The following PRKN variants were observed in gnomAD, a reference collection of about 807,000 sequenced individuals.
The protein encoded by PRKN is E3 ubiquitin-protein ligase parkin.
PRKN carries 56 observed loss-of-function variants against 59.5 expected under a neutral mutation model. That is an observed-to-expected ratio of 0.94 (90% confidence interval 0.76 to 1.18). The LOEUF is 1.18. Ranked by LOEUF, PRKN falls within the 50% of genes most tolerant of loss-of-function variation. The pLI, the probability that PRKN is intolerant of heterozygous loss-of-function variation, is 0.00. For missense variants in PRKN, 657 were observed against 596.4 expected (o/e 1.10, Z -1.06); for synonymous variants, 250 against 222.1 (o/e 1.13, Z -1.12).
chr6:162,405,444 G>A (rs1788010423), intron 2 of PRKN, among the ~76,000 whole-genome samples: 1 of 152,130 alleles, frequency 6.6e-6, no homozygotes, highest in Non-Finnish European at 1.5e-5. Flanking sequence ...GACTTCGAGA[G>A]AAGAATAAGA....
At chr6:161,586,680 A>G (rs1781533763) in intron 7 of PRKN, among the ~76,000 whole-genome samples, 1 of 152,204 alleles carries the variant, frequency 6.6e-6, no homozygotes, top group Admixed American at 6.5e-5. Context: ...TGGTTCTAGT[A>G]TTCACTAGCT....
chr6:161,868,643 C>T (rs778941855), intron 6 of PRKN, among the ~76,000 whole-genome samples: 1 of 152,190 alleles, frequency 6.6e-6, no homozygotes, highest in Non-Finnish European at 1.5e-5. Flanking sequence ...CCTTAAAGCA[C>T]AGGCTGTTTG....
intron 2 of PRKN, among the ~76,000 whole-genome samples, chr6:162,398,953 T>C (rs1002661436): frequency 6.6e-6 from 1 of 152,200 alleles, no homozygotes; most frequent in Non-Finnish European, 1.5e-5. Context: ...AATTTTTACT[T>C]CAGCAAAATA....
At chr6:161,694,728 C>A (rs969761) in intron 7 of PRKN, among the ~76,000 whole-genome samples, 3 of 152,044 alleles carry the variant, frequency 2.0e-5, no homozygotes, top group East Asian at 1.9e-4. Flanking sequence ...ACTTTTTCAC[C>A]TGGACCGTAT....
chr6:161,392,768 G>GAAT (rs1264228597), intron 9 of PRKN, among the ~76,000 whole-genome samples: 11 of 74,568 alleles, frequency 1.5e-4, no homozygotes, highest in African/African-American at 7.4e-4. Context: ...AGGAGGTATA[G>GAAT]AATAAAAAAA....
intron 6 of PRKN, among the ~76,000 whole-genome samples, chr6:161,913,260 A>G (rs374787864): frequency 3.9e-5 from 6 of 152,128 alleles, no homozygotes; most frequent in African/African-American, 1.2e-4. Context: ...AAAGAAAATC[A>G]GCAAACTGGG....
At chr6:162,135,921 G>T (rs1034601449) in intron 4 of PRKN, among the ~76,000 whole-genome samples, 2 of 151,806 alleles carry the variant, frequency 1.3e-5, no homozygotes, top group South Asian at 4.1e-4. Flanking sequence ...CTACAAAAGC[G>T]CTCAAAATAC....
chr6:161,382,142 AAAAC>A (rs371295234), intron 10 of PRKN, among the ~76,000 whole-genome samples: 7,453 of 147,700 alleles, frequency 0.05, 211 homozygotes, highest in Non-Finnish European at 0.073. Flanking sequence ...AATCAAAACA[AAAAC>A]AAACAAACAA....
chr6:161,593,224 C>T lies in PRKN; in HGVS notation c.872-23808G>A, dbSNP rs1382864508. 6.6e-6 allele frequency among the ~76,000 whole-genome samples: 1 copy of T among 152,192 alleles called. No individual in the cohort carries two copies. The highest frequency in any genetic ancestry group is 1.5e-5 in the Non-Finnish European group (1 of 68,038). ...AATAACATCGCATGTCAACTGCATC[C>T]CAGGAGCTGTTCCGAGTGCTTCGCA... On this transcript the variant is annotated intron_variant, in intron 7 of 11. Transcript: ENST00000366898. The surrounding 1 kb of genome is among the most constrained non-coding windows in gnomAD (Gnocchi z 4.8).
chr6:162,577,398 G>A (rs1449996089), intron 1 of PRKN, among the ~76,000 whole-genome samples: 5 of 151,576 alleles, frequency 3.3e-5, no homozygotes, highest in Non-Finnish European at 7.4e-5. Context: ...TCAGGAGTTC[G>A]AGACCAGCCT....
chr6:162,602,254 A>G (rs1781742127), intron 1 of PRKN, among the ~76,000 whole-genome samples: 1 of 152,192 alleles, frequency 6.6e-6, no homozygotes, highest in Admixed American at 6.5e-5. Context: ...GAGGGAGAGA[A>G]GAGAGAAGAG....
chr6:162,107,205 C>T (rs1405674476), intron 4 of PRKN, among the ~76,000 whole-genome samples: 1 of 152,188 alleles, frequency 6.6e-6, no homozygotes, highest in African/African-American at 2.4e-5. Context: ...TGGTTCAGGC[C>T]TATAATCCCA....
intron 1 of PRKN, among the ~76,000 whole-genome samples, chr6:162,630,369 A>C (rs555875354): frequency 2.0e-5 from 3 of 152,136 alleles, no homozygotes; most frequent in Non-Finnish European, 4.4e-5. Flanking sequence ...CAGGCTGCCC[A>C]AACTGCTAAT....
chr6:162,307,297 A>G (rs61526712), intron 2 of PRKN, among the ~76,000 whole-genome samples: 5,750 of 151,758 alleles, frequency 0.038, 348 homozygotes, highest in African/African-American at 0.13. Flanking sequence ...CTACTCAGGA[A>G]GCTGAGGCAG....
rs975611534 is a variant in PRKN, at chr6:161,475,542, G to C, written c.1083+73312C>G. The stretch of plus-strand genomic sequence containing the variant: ...TTTTTGAGACGAGGTCTCGCTCTGT[G>C]GCCCAGGCTGGAGTGCCGCGGTGCA... On this transcript the variant is annotated intron_variant, in intron 9 of 11. Coordinates refer to ENST00000366898, the MANE Select transcript of PRKN (RefSeq NM_004562.3). The surrounding 1 kb of genome is among the most constrained non-coding windows in gnomAD (Gnocchi z 5.3). Among the ~76,000 whole-genome samples the C allele has an allele frequency of 6.6e-6, 1 of 152,032 alleles. No homozygotes were observed. Among genetic ancestry groups the C allele is most frequent in the African/African-American group, 2.4e-5 (1 of 41,388 alleles).
In PRKN at chr6:161,518,256, C is replaced by T. The variant is rs780049231; in HGVS notation, c.1083+30598G>A. 3.3e-5 allele frequency among the ~76,000 whole-genome samples: 5 copies of T among 152,208 alleles called. No homozygotes were observed. The highest frequency in any genetic ancestry group is 5.9e-5 in the Non-Finnish European group (4 of 68,032). The stretch of plus-strand genomic sequence containing the variant: ...TGCCCCCACCCTGCATATCTGCTGG[C>T]GCTGAAATTCTCTCAGGACAGCTCA... On this transcript the variant is annotated intron_variant, in intron 9 of 11. Coordinates refer to ENST00000366898, the MANE Select transcript of PRKN (RefSeq NM_004562.3). This position sits in a 1 kb window ranked among gnomAD's most constrained non-coding sequence, Gnocchi z 5.0.
chr6:162,112,782 T>TAAAA (rs111532085), intron 4 of PRKN, among the ~76,000 whole-genome samples: 2 of 141,576 alleles, frequency 1.4e-5, no homozygotes, highest in Non-Finnish European at 3.1e-5. Context: ...TTTACAAAAT[T>TAAAA]AAAAAAAAAA....
intron 4 of PRKN, among the ~76,000 whole-genome samples, chr6:162,105,939 T>C (rs1296318940): frequency 6.6e-6 from 1 of 152,230 alleles, no homozygotes; most frequent in Non-Finnish European, 1.5e-5. Flanking sequence ...TTCTTTCTCA[T>C]GGATCCAATC....
intron 9 of PRKN, among the ~76,000 whole-genome samples, chr6:161,536,896 G>T (rs1244567454): frequency 2.6e-5 from 4 of 152,128 alleles, no homozygotes; most frequent in Non-Finnish European, 5.9e-5. Context: ...TTTTGAGATC[G>T]AAAACCTCTG....
Sources: gnomAD v4.1 joint callset for allele counts (sites outside exome capture counted in the v4.1 genomes callset) on GRCh38, gnomAD v4.1.1 for gene constraint, Gnocchi (gnomAD v3.1) non-coding constraint, MANE v1.5 for transcripts, NCBI Gene and HGNC (gene_info 2026-07-23, HGNC 2026-07-21) for gene names.